The following ADGRV1 variants were observed in gnomAD, a reference collection of about 807,000 sequenced individuals.
The protein encoded by ADGRV1 is G-protein coupled receptor 98.
ADGRV1 carries 359 observed loss-of-function variants against 596.2 expected under a neutral mutation model. That is an observed-to-expected ratio of 0.60 (90% CI 0.55 to 0.66). The LOEUF (loss-of-function observed/expected upper bound fraction) is 0.66, where lower values mean the gene tolerates loss of function less well. Ranked by LOEUF, ADGRV1 falls within the 30% of genes least tolerant of loss-of-function variation. The probability of loss-of-function intolerance (pLI) is 0.00; values close to 1 mark genes in which losing one functional copy is unlikely to be tolerated. For synonymous variants in ADGRV1, 2,681 were observed against 2,679.2 expected, an observed-to-expected ratio of 1.00 and a Z score of -0.02; for missense variants, 7,274 against 7,575.6, an observed-to-expected ratio of 0.96 and a Z score of 1.48.
chr5:91,097,453 A>G (rs1291048108), intron 86 of ADGRV1, among the ~76,000 whole-genome samples: 1 of 152,220 alleles, frequency 6.6e-6, no homozygotes, highest in Non-Finnish European at 1.5e-5. Flanking sequence ...TGCAAATAGT[A>G]TATTTTATTT....
intron 85 of ADGRV1, among the ~76,000 whole-genome samples, chr5:91,055,560 C>A (rs897496766): frequency 6.6e-6 from 1 of 152,172 alleles, no homozygotes; most frequent in South Asian, 2.1e-4. Context: ...CAGGTAATTT[C>A]TTTCACCCAT....
chr5:90,732,536 T>A (rs1323996934), intron 50 of ADGRV1, among the ~76,000 whole-genome samples: 1 of 152,206 alleles, frequency 6.6e-6, no homozygotes, highest in African/African-American at 2.4e-5. Context: ...ATAGTTATTA[T>A]GCTGTAGATT....
intron 83 of ADGRV1, among the ~76,000 whole-genome samples, chr5:90,878,275 G>A (rs1337201248): frequency 6.6e-6 from 1 of 152,200 alleles, no homozygotes; most frequent in Non-Finnish European, 1.5e-5. Flanking sequence ...ATCGGTCACT[G>A]ATATTTGATT....
At chr5:90,704,613 C>A in intron 36 of ADGRV1, 125 bp downstream of exon 36, 1 of 572,626 alleles carries the variant, frequency 1.7e-6, no homozygotes, top group Non-Finnish European at 3.1e-6. Flanking sequence ...ATTATGTGTC[C>A]CCTAGAAATG....
chr5:90,703,368 T>C (rs1021780638), intron 34 of ADGRV1, among the ~76,000 whole-genome samples: 2 of 152,136 alleles, frequency 1.3e-5, no homozygotes, highest in African/African-American at 4.8e-5. Flanking sequence ...AGAACACTTA[T>C]GTTCTGGTGC....
intron 75 of ADGRV1, among the ~76,000 whole-genome samples, chr5:90,820,916 G>A (rs1267514339): frequency 6.6e-6 from 1 of 152,052 alleles, no homozygotes; most frequent in Non-Finnish European, 1.5e-5. Flanking sequence ...TTCTCGAGGA[G>A]TATCTTTGTG....
At chr5:90,646,775 CTT>C (rs550562464) in intron 16 of ADGRV1, among the ~76,000 whole-genome samples, 16 of 96,502 alleles carry the variant, frequency 1.7e-4, no homozygotes, top group Non-Finnish European at 2.3e-4. Context: ...CTTTCTTCTT[CTT>C]TTTTTTTTTT....
chr5:90,689,874 T>C lies in ADGRV1; in HGVS notation c.6504T>C (p.Ser2168=). 6.2e-7 allele frequency: 1 copy of C among 1,611,648 alleles called. No individual in the cohort carries two copies. Residue 2168 remains serine, a synonymous_variant, in exon 30 of 90, where the codon AGT becomes AGC. Transcript: ENST00000405460. ...PITAIAGEDY[S]IASSDVVLLE... ...TGGTCTTTTCAGGTGAAGATTATAG[T>C]ATAGCTTCATCAGATGTGGTCTTGC...
chr5:91,055,517 T>C (rs1295870531), intron 85 of ADGRV1, among the ~76,000 whole-genome samples: 2 of 152,228 alleles, frequency 1.3e-5, no homozygotes, highest in Non-Finnish European at 2.9e-5. Context: ...AGATTTTATT[T>C]ATATTTTACA....
In ADGRV1 at chr5:90,712,283, C is replaced by T. The variant is rs760145754; in HGVS notation, c.9043-4C>T. 2 of 1,510,980 alleles carry T rather than the reference C, an allele frequency of 1.3e-6. No individual in the cohort carries two copies. The highest frequency in any genetic ancestry group is 2.8e-5 in the African/African-American group (2 of 71,424). The allele number at this position is 1,510,980 out of a possible 1,614,324, so 93.6% of individuals were successfully genotyped here. On this transcript the variant is annotated splice_region_variant and splice_polypyrimidine_tract_variant and intron_variant, in intron 41 of 89. Coordinates refer to ENST00000405460, the MANE Select transcript of ADGRV1 (RefSeq NM_032119.4). ...ATACATTCTGCTTTTACCTTTTTGA[C>T]CAGATTCTTCATTTTGCTGATGGAG...
At chr5:90,713,136 T>G (rs1169653595) in intron 42 of ADGRV1, among the ~76,000 whole-genome samples, 2 of 152,136 alleles carry the variant, frequency 1.3e-5, no homozygotes, top group African/African-American at 4.8e-5. Flanking sequence ...CCCTTCAAAC[T>G]CCTGTTTTAG....
intron 85 of ADGRV1, among the ~76,000 whole-genome samples, chr5:90,997,213 G>A (rs994538341): frequency 6.6e-5 from 10 of 152,114 alleles, no homozygotes; most frequent in Non-Finnish European, 8.8e-5. Context: ...CAAATCTCAC[G>A]TTGAATTCTG....
At position 90,854,191 on chromosome 5, in the gene ADGRV1, G is replaced by A; in HGVS notation, c.17584G>A (p.Ala5862Thr). 3 of 1,546,066 alleles carry A rather than the reference G, an allele frequency of 1.9e-6. No homozygotes were observed. The highest frequency in any genetic ancestry group is 2.6e-6 in the Non-Finnish European group (3 of 1,145,100). Residue 5862 changes from alanine (A) to threonine (T), a missense_variant, in exon 81 of 90, where the codon GCT (alanine) becomes ACT (threonine). Coordinates refer to ENST00000405460, the MANE Select transcript of ADGRV1 (RefSeq NM_032119.4). ...QTSLCLLWNQ[A>T]AASWLSDSQF... is the part of the protein sequence containing the mutation. ...ATCTCTGTGTCTCCTTTGGAATCAG[G>A]CTGCTGCAAGGTACTTATTAATAAA...
chr5:90,787,891 G>A (rs1759642756), intron 67 of ADGRV1, among the ~76,000 whole-genome samples, 180 bp from the exon 68 acceptor site: 3 of 151,546 alleles, frequency 2.0e-5, no homozygotes, highest in Admixed American at 6.6e-5. Context: ...ACACCCAGCT[G>A]CAAATATCAT....
intron 50 of ADGRV1, among the ~76,000 whole-genome samples, chr5:90,733,237 T>C (rs540194073): frequency 3.8e-4 from 58 of 152,308 alleles, no homozygotes; most frequent in African/African-American, 1.3e-3. Flanking sequence ...CCTTGGCAAC[T>C]GGGAGGAGAA....
At chr5:90,777,093 G>A (rs1421670328) in intron 61 of ADGRV1, among the ~76,000 whole-genome samples, 1 of 152,106 alleles carries the variant, frequency 6.6e-6, no homozygotes, top group Non-Finnish European at 1.5e-5. Flanking sequence ...GGTTCTGCAG[G>A]CTGTACAGGA....
chr5:90,853,356 T>C lies in ADGRV1; in HGVS notation c.17277T>C (p.Asn5759=), dbSNP rs1561850785. The C allele has an allele frequency of 5.0e-6, 8 of 1,613,404 alleles. No homozygotes were observed. Among genetic ancestry groups the C allele is most frequent in the South Asian group, 4.4e-5 (4 of 91,048 alleles). ...TTCACTGGTATCCTCAGCAAATCAA[T>C]GGACACAAGTTTGAAGGAAAGGAAG... ...LALHWYPQQI[N]GHKFEGKEGD... The change falls in exon 80 of 90, where the codon AAT becomes AAC. Residue 5759 remains asparagine (N), a synonymous_variant. Coordinates refer to ENST00000405460, the MANE Select transcript of ADGRV1 (RefSeq NM_032119.4).
intron 23 of ADGRV1, 143 bp from the exon 24 acceptor site, chr5:90,675,100 A>G: frequency 3.3e-6 from 2 of 603,902 alleles, no homozygotes; most frequent in South Asian, 4.9e-5. Context: ...TGTTAGTTAA[A>G]TCTTTGCTAA....
At position 90,810,510 on chromosome 5, in the gene ADGRV1, T is replaced by C; in HGVS notation, c.15250T>C (p.Ser5084Pro). The part of the protein sequence containing the change: ...FEITIINDQL[S>P]EIEEFFYINL... ...AATAACCATTATTAATGATCAGCTT[T>C]CTGAGATAGAAGAATTTTTTTACAT... Residue 5084 changes from serine (S) to proline (P), a missense_variant, in exon 74 of 90, where the codon TCT becomes CCT. This residue lies in a region of ADGRV1 where 1,874 missense variants were observed against 1,970.2 expected (regional missense o/e 0.95). Coordinates refer to ENST00000405460, the MANE Select transcript of ADGRV1 (RefSeq NM_032119.4). 1 of 1,613,926 alleles carries C rather than the reference T, an allele frequency of 6.2e-7. No individual in the cohort carries two copies. Among genetic ancestry groups the C allele is most frequent in the Non-Finnish European group, 8.5e-7 (1 of 1,179,822 alleles).
Sources: gnomAD v4.1 joint callset for allele counts (sites outside exome capture counted in the v4.1 genomes callset) on GRCh38, gnomAD v4.1.1 for gene constraint, gnomAD v4.1.1 regional missense constraint, MANE v1.5 for transcripts, NCBI Gene and HGNC (gene_info 2026-07-23, HGNC 2026-07-21) for gene names.